RFX1: variants seen among roughly 807,000 people sequenced by gnomAD.
RFX1 encodes the protein regulatory factor X1.
A neutral mutation model predicts 119.6 loss-of-function variants in RFX1; 42 were observed. That is an observed-to-expected ratio of 0.35 (90% CI 0.27 to 0.45). The LOEUF is 0.45. RFX1 is among the 20% of genes least tolerant of loss of function. The probability of loss-of-function intolerance (pLI) is 1.00; values close to 1 mark genes in which losing one functional copy is unlikely to be tolerated. For missense variants in RFX1, 1,118 were observed against 1,368.1 expected (o/e 0.82, Z 2.88); for synonymous variants, 628 against 618.5 (o/e 1.02, Z -0.23).
rs1973716372 is a variant in RFX1, at chr19:13,962,410, G to T, written c.*285C>A. 2 of 478,128 alleles carry T rather than the reference G, an allele frequency of 4.2e-6. No homozygotes were observed. Among genetic ancestry groups the T allele is most frequent in the Admixed American group, 4.1e-5 (1 of 24,442 alleles). The allele number at this position is 478,128 out of a possible 1,614,324, so 29.6% of individuals were successfully genotyped here. ...GGCTGGGGAGAAGACGCTGGGGCCT[G>T]GGAGGGGGGCGGCCAAGGGGCCGAG... On this transcript the variant is annotated 3_prime_UTR_variant, in exon 21 of 21. Transcript: ENST00000254325.
chr19:13,982,766 T>C (rs1487314458), intron 4 of RFX1, among the ~76,000 whole-genome samples: 1 of 152,140 alleles, frequency 6.6e-6, no homozygotes, highest in Non-Finnish European at 1.5e-5. Context: ...ATCGAGCCAT[T>C]GTAAAACCCA....
chr19:13,980,718 G>GCTGCGGTGGGCTTGCATCCTCT lies in RFX1; in HGVS notation c.622-30_622-29insAGAGGATGCAAGCCCACCGCAG, dbSNP rs1555752876. 4 of 646,426 alleles carry GCTGCGGTGGGCTTGCATCCTCT rather than the reference G, an allele frequency of 6.2e-6. No individual in the cohort carries two copies. The highest frequency in any genetic ancestry group is 4.1e-5 in the South Asian group (2 of 48,674). The allele number at this position is 646,426 out of a possible 1,614,324, so 40.0% of individuals were successfully genotyped here. On this transcript the variant is annotated intron_variant, in intron 5 of 20. Coordinates refer to ENST00000254325, the MANE Select transcript of RFX1 (RefSeq NM_002918.5). This position sits in a 1 kb window ranked among gnomAD's most constrained non-coding sequence, Gnocchi z 5.1. ...TAAGGGAAGGAGACACAGGAGTGCC[G>GCTGCGGTGGGCTTGCATCCTCT]CTGGGGTGGGCTTGCATCCTCTCTG...
chr19:13,977,934 ACT>A, intron 8 of RFX1, 56 bp downstream of exon 8: 1 of 1,318,496 alleles, frequency 7.6e-7, no homozygotes, highest in Non-Finnish European at 1.1e-6. Flanking sequence ...GTCCTGGGAG[ACT>A]GGGGAGGCTC....
chr19:13,963,785 C>A (rs758260039), intron 17 of RFX1, 39 bp from the exon 18 acceptor site: 8 of 1,501,546 alleles, frequency 5.3e-6, no homozygotes, highest in Non-Finnish European at 7.1e-6. Context: ...GGGGCTCAGC[C>A]GCCGTCACCC....
intron 5 of RFX1, among the ~76,000 whole-genome samples, chr19:13,981,673 C>T (rs1219335623): frequency 6.6e-6 from 1 of 152,212 alleles, no homozygotes; most frequent in Non-Finnish European, 1.5e-5. Flanking sequence ...CATCTGACCC[C>T]GAGCTCCTGA....
intron 8 of RFX1, among the ~76,000 whole-genome samples, chr19:13,977,676 C>T (rs1317464588): frequency 6.6e-6 from 1 of 151,824 alleles, no homozygotes. Context: ...TTAGGCCTCC[C>T]AAAGTGCTGG....
intron 16 of RFX1, 32 bp from the exon 17 acceptor site, chr19:13,964,039 C>T (rs893095027): frequency 6.6e-7 from 1 of 1,522,304 alleles, no homozygotes; most frequent in African/African-American, 1.4e-5. Flanking sequence ...CTTGCTGCTT[C>T]CAAGGAACCC....
At position 13,965,609 on chromosome 19, in the gene RFX1, G is replaced by A. The variant is rs1026119490; in HGVS notation, c.2113+17C>T. On this transcript the variant is annotated intron_variant, in intron 15 of 20. Coordinates refer to ENST00000254325, the MANE Select transcript of RFX1 (RefSeq NM_002918.5). The surrounding 1 kb of genome is among the most constrained non-coding windows in gnomAD (Gnocchi z 4.7). ...GTGTATGTGGGGCAGGGGATGCCGA[G>A]CAGGCCGAGCACTCACTGGGGATGG... The A allele has an allele frequency of 2.5e-6, 4 of 1,612,514 alleles. No homozygotes were observed. The African/African-American group carries it at 5.3e-5, about 22-fold the overall frequency.
At chr19:13,974,108 C>T (rs989173297) in intron 8 of RFX1, among the ~76,000 whole-genome samples, 5 of 152,152 alleles carry the variant, frequency 3.3e-5, no homozygotes, top group African/African-American at 9.7e-5. Flanking sequence ...GCCCCGGCCC[C>T]CGGAACCGTC....
rs200196752 is a variant in RFX1, at chr19:13,968,719, C to T, written c.1617-39G>A. 5.9e-4 allele frequency: 943 copies of T among 1,609,944 alleles called. 5 individuals carry two copies. In the African/African-American group the frequency reaches 9.9e-3, roughly 17 times the overall value. On this transcript the variant is annotated intron_variant, in intron 11 of 20. Transcript: ENST00000254325. The surrounding 1 kb of genome is among the most constrained non-coding windows in gnomAD (Gnocchi z 5.5). ...GGCAGGTGGGCCGGCTGCTGGGGGC[C>T]GGCCTGTGTGCCCTTCCCCGCCTGC...
chr19:14,003,577 T>C (rs1010043095), intron 1 of RFX1, among the ~76,000 whole-genome samples: 3 of 152,222 alleles, frequency 2.0e-5, no homozygotes, highest in Non-Finnish European at 2.9e-5. Context: ...CATTAGCAAT[T>C]ACTTTGTATT....
chr19:13,986,431 A>T lies in RFX1; in HGVS notation c.320-2836T>A, dbSNP rs567856020. Among the ~76,000 whole-genome samples the T allele has an allele frequency of 1.3e-5, 2 of 152,288 alleles. No homozygotes were observed. Among genetic ancestry groups the T allele is most frequent in the South Asian group, 4.1e-4 (2 of 4,834 alleles). On this transcript the variant is annotated intron_variant, in intron 2 of 20. Coordinates refer to ENST00000254325, the MANE Select transcript of RFX1 (RefSeq NM_002918.5). The surrounding 1 kb of genome is among the most constrained non-coding windows in gnomAD (Gnocchi z 4.2). The stretch of plus-strand genomic sequence containing the variant: ...CGCCAGGGGATGCGCCACGAGGCTA[A>T]CAGGTGAGCCTGAGTGACTCATGCG...
rs375269512 is a variant in RFX1 at position 13,980,819 on chromosome 19, CACCGAGGCTGGTAACTG to C, written c.622-147_622-131del. ...GCAGTCTGTGGGGACCTATCCCAACCACCGAGGCTGGTAACTGACCGCGTCCCACGCATCCAAATGCC... is the reference window on the plus strand; with the variant it reads ...GCAGTCTGTGGGGACCTATCCCAACCACCGCGTCCCACGCATCCAAATGCC... On this transcript the variant is annotated intron_variant, in intron 5 of 20. Coordinates refer to ENST00000254325, the MANE Select transcript of RFX1 (RefSeq NM_002918.5). This position sits in a 1 kb window ranked among gnomAD's most constrained non-coding sequence, Gnocchi z 5.1. 1.5e-4 allele frequency: 89 copies of C among 585,150 alleles called. No homozygotes were observed. In the African/African-American group the frequency reaches 1.7e-3, roughly 11 times the overall value. 36.2% of individuals were successfully genotyped at this position (585,150 alleles called of 1,614,324 possible). A position where few individuals can be genotyped will look rare whatever the true frequency, so the allele number is the denominator to read the frequency against.
chr19:14,005,398 T>C (rs1256761027), intron 1 of RFX1, among the ~76,000 whole-genome samples: 1 of 152,188 alleles, frequency 6.6e-6, no homozygotes, highest in Non-Finnish European at 1.5e-5. Context: ...AGTGTTGAAA[T>C]CAGGACTAGC....
rs1485367521 is a variant in RFX1 at position 13,963,201 on chromosome 19, T to C, written c.2645A>G (p.Tyr882Cys). 1.2e-6 allele frequency: 2 copies of C among 1,612,758 alleles called. No homozygotes were observed. Reference protein sequence around the residue: ...FGSFHLIRLLYDEYMYYLIEH... With the variant: ...FGSFHLIRLLCDEYMYYLIEH... ...GATCAGGTAGTACATGTACTCGTCG[T>C]AGAGCAGCCGGATGAGGTGGAAGGA... The change falls in exon 19 of 21, where the codon TAC becomes TGC. Residue 882 changes from tyrosine to cysteine, a missense_variant. This residue lies in a region of RFX1 where 32 missense variants were observed against 71.5 expected (regional missense o/e 0.45). Coordinates refer to ENST00000254325, the MANE Select transcript of RFX1 (RefSeq NM_002918.5).
Position 13,969,719 on chromosome 19 carries a change from G to T in RFX1, c.1496+275C>A. 1 of 410,536 alleles carries T rather than the reference G, an allele frequency of 2.4e-6. No homozygotes were observed. The highest frequency in any genetic ancestry group is 4.3e-6 in the Non-Finnish European group (1 of 230,160). 25.4% of individuals were successfully genotyped at this position (410,536 alleles called of 1,614,324 possible). On this transcript the variant is annotated intron_variant, in intron 10 of 20. Transcript: ENST00000254325. This position sits in a 1 kb window ranked among gnomAD's most constrained non-coding sequence, Gnocchi z 4.5. ...AATGCTAAAGAGAAAAATAAAGCAG[G>T]GTTGGGGGGTGTCGGGCAGGGGAGA...
intron 2 of RFX1, among the ~76,000 whole-genome samples, chr19:13,989,907 T>A (rs1011003769): frequency 6.6e-6 from 1 of 152,034 alleles, no homozygotes; most frequent in African/African-American, 2.4e-5. Flanking sequence ...CGAGAGGTCT[T>A]ACTCAAGGAG....
intron 12 of RFX1, among the ~76,000 whole-genome samples, chr19:13,967,702 C>T (rs1973949411): frequency 6.6e-6 from 1 of 151,960 alleles, no homozygotes; most frequent in African/African-American, 2.4e-5. Context: ...GTCTCGAACT[C>T]TTGACCTCAA....
chr19:14,003,519 T>C (rs1975283418), intron 1 of RFX1, among the ~76,000 whole-genome samples: 1 of 151,834 alleles, frequency 6.6e-6, no homozygotes, highest in African/African-American at 2.4e-5. Context: ...TTTCCGAGGG[T>C]TGAACAGGAA....
Sources: gnomAD v4.1 joint callset for allele counts (sites outside exome capture counted in the v4.1 genomes callset) on GRCh38, gnomAD v4.1.1 for gene constraint, gnomAD v4.1.1 regional missense constraint, Gnocchi (gnomAD v3.1) non-coding constraint, MANE v1.5 for transcripts, NCBI Gene and HGNC (gene_info 2026-07-23, HGNC 2026-07-21) for gene names.